Variants in SRGAP1 observed in about 807,000 individuals in gnomAD.
SRGAP1 encodes SLIT-ROBO Rho GTPase activating protein 1, also known as SLIT-ROBO Rho GTPase-activating protein 1.
A neutral mutation model predicts 121.9 loss-of-function variants in SRGAP1; 43 were observed. The observed-to-expected ratio is 0.35, with a 90% CI of 0.28 to 0.46. The LOEUF (loss-of-function observed/expected upper bound fraction) is 0.46. Ranked by LOEUF, SRGAP1 falls within the 20% of genes least tolerant of loss-of-function variation. The probability of loss-of-function intolerance (pLI) is 1.00; values close to 1 mark genes in which losing one functional copy is unlikely to be tolerated. For missense variants in SRGAP1, 1,102 were observed against 1,350.9 expected (o/e 0.82, Z 2.89); for synonymous variants, 447 against 485.4 (o/e 0.92, Z 1.04).
chr12:63,894,248 A>G (rs1900678292), intron 1 of SRGAP1, among the ~76,000 whole-genome samples: 1 of 151,662 alleles, frequency 6.6e-6, no homozygotes, highest in Non-Finnish European at 1.5e-5. Flanking sequence ...TTTTAATGAC[A>G]TTTGCTTTCA....
rs372599348 is a variant in SRGAP1, at chr12:64,109,050, A to G, written c.1919+13A>G. 54 of 1,484,228 alleles carry G rather than the reference A, an allele frequency of 3.6e-5. No homozygotes were observed. The African/African-American group carries it at 6.8e-4, about 19-fold the overall frequency. The allele number at this position is 1,484,228 out of a possible 1,614,324, so 91.9% of individuals were successfully genotyped here. A position where few individuals can be genotyped will look rare whatever the true frequency, so the allele number is the denominator to read the frequency against. On this transcript the variant is annotated intron_variant, in intron 16 of 21. Coordinates refer to ENST00000355086, the MANE Select transcript of SRGAP1 (RefSeq NM_020762.4). ...CCTTCCTCAATCAGTAAGTACCTGA[A>G]TGCTCTGACAAAAGGCCCATCTGAA... is the stretch of plus-strand genomic sequence containing the variant.
At chr12:63,928,290 A>G (rs2031337172) in intron 1 of SRGAP1, among the ~76,000 whole-genome samples, 1 of 152,156 alleles carries the variant, frequency 6.6e-6, no homozygotes, top group African/African-American at 2.4e-5. Context: ...TTAAATATAT[A>G]CCTACCCTAT....
chr12:63,932,103 C>T (rs1486127892), intron 1 of SRGAP1, among the ~76,000 whole-genome samples: 1 of 152,054 alleles, frequency 6.6e-6, no homozygotes, highest in African/African-American at 2.4e-5. Flanking sequence ...CAGTGAAACC[C>T]TGTCTCTACT....
rs558248193 is a variant in SRGAP1, at chr12:64,044,674, C to CTTTTTTTTTTTTTTTTTTTTTTTTTTTT, written c.801+1124_801+1125insTTTTTTTTTTTTTTTTTTTTTTTTTTTT. On this transcript the variant is annotated intron_variant, in intron 6 of 21. Coordinates refer to ENST00000355086, the MANE Select transcript of SRGAP1 (RefSeq NM_020762.4). Reference sequence around the variant, plus strand: ...AGCTTATTAACACTCTGATGTGCCTCTTTTTTTTTTTTTTTTTTTTTTTTT... The same window carrying CTTTTTTTTTTTTTTTTTTTTTTTTTTTT: ...AGCTTATTAACACTCTGATGTGCCTCTTTTTTTTTTTTTTTTTTTTTTTTTTTTTTTTTTTTTTTTTTTTTTTTTTTTT... Among the ~76,000 whole-genome samples the CTTTTTTTTTTTTTTTTTTTTTTTTTTTT allele has an allele frequency of 5.1e-4, 37 of 72,122 alleles. 6 individuals are homozygous for CTTTTTTTTTTTTTTTTTTTTTTTTTTTT. The highest frequency in any genetic ancestry group is 7.8e-4 in the Non-Finnish European group (27 of 34,678). 47.3% of individuals were successfully genotyped at this position (72,122 alleles called of 152,430 possible).
intron 6 of SRGAP1, among the ~76,000 whole-genome samples, chr12:64,057,819 T>C (rs962127803): frequency 3.5e-4 from 53 of 152,236 alleles, no homozygotes; most frequent in Middle Eastern, 3.4e-3. Context: ...AAGAGAGTAA[T>C]TCCTTTCCAT....
At chr12:63,860,621 T>C (rs1899411781) in intron 1 of SRGAP1, among the ~76,000 whole-genome samples, 1 of 152,246 alleles carries the variant, frequency 6.6e-6, no homozygotes, top group South Asian at 2.1e-4. Flanking sequence ...CTCTGCATTA[T>C]TTTCAATTAG....
chr12:64,004,934 A>G (rs764387028), intron 3 of SRGAP1, among the ~76,000 whole-genome samples: 4 of 152,212 alleles, frequency 2.6e-5, no homozygotes, highest in Non-Finnish European at 5.9e-5. Flanking sequence ...AGCTGTAAGA[A>G]ATGCCATATT....
intron 1 of SRGAP1, among the ~76,000 whole-genome samples, chr12:63,895,229 G>A (rs916983740): frequency 6.6e-6 from 1 of 152,144 alleles, no homozygotes; most frequent in Non-Finnish European, 1.5e-5. Context: ...GAAGACTAGA[G>A]CCTTCTTTGG....
intron 4 of SRGAP1, among the ~76,000 whole-genome samples, chr12:64,039,221 C>T (rs1409477584): frequency 6.6e-6 from 1 of 152,180 alleles, no homozygotes; most frequent in Non-Finnish European, 1.5e-5. Context: ...GAAAACTCAA[C>T]AAAGAAATTT....
At chr12:64,129,978 T>G (rs56217817) in intron 21 of SRGAP1, among the ~76,000 whole-genome samples, 33,910 of 150,572 alleles carry the variant, frequency 0.23, 3,909 homozygotes, top group Middle Eastern at 0.26. Flanking sequence ...AGGTCGTGGT[T>G]GTTGTTGTTG....
At chr12:63,930,400 G>A (rs1319304974) in intron 1 of SRGAP1, among the ~76,000 whole-genome samples, 1 of 147,476 alleles carries the variant, frequency 6.8e-6, no homozygotes, top group Non-Finnish European at 1.5e-5. Context: ...TTATCAGAAA[G>A]CAATATTAAG....
At chr12:64,051,937 TATG>T (rs2035245805) in intron 6 of SRGAP1, among the ~76,000 whole-genome samples, 1 of 152,190 alleles carries the variant, frequency 6.6e-6, no homozygotes, top group African/African-American at 2.4e-5. Context: ...GAATGAACAT[TATG>T]ATGAGTTCCA....
At chr12:64,001,331 T>C (rs900758156) in intron 3 of SRGAP1, among the ~76,000 whole-genome samples, 21 of 152,182 alleles carry the variant, frequency 1.4e-4, no homozygotes, top group Non-Finnish European at 2.4e-4. Flanking sequence ...GAATACACAC[T>C]TAGTTTGGGT....
At chr12:64,031,232 C>G (rs531355261) in intron 4 of SRGAP1, among the ~76,000 whole-genome samples, 23 of 149,776 alleles carry the variant, frequency 1.5e-4, no homozygotes, top group Non-Finnish European at 3.1e-4. Context: ...TCAGGAGAAT[C>G]ACTTGAGCCT....
intron 17 of SRGAP1, among the ~76,000 whole-genome samples, chr12:64,113,081 G>A (rs963929473): frequency 5.3e-5 from 8 of 151,248 alleles, no homozygotes; most frequent in African/African-American, 1.9e-4. Flanking sequence ...ATTCCAGCCT[G>A]AGCAACAAAA....
At chr12:63,871,981 T>TA (rs1899869657) in intron 1 of SRGAP1, 6 of 990,096 alleles carry the variant, frequency 6.1e-6, no homozygotes, top group African/African-American at 1.6e-5. Flanking sequence ...TTGCCCTTCT[T>TA]ATACTGTGTC....
intron 21 of SRGAP1, among the ~76,000 whole-genome samples, chr12:64,133,456 C>T (rs1223997194): frequency 1.3e-5 from 2 of 152,200 alleles, no homozygotes; most frequent in Non-Finnish European, 2.9e-5. Flanking sequence ...CAAGCCACTA[C>T]TTTAACTGGA....
chr12:64,148,653 A>C lies in SRGAP1; in HGVS notation c.*5981A>C, dbSNP rs2037086676. On this transcript the variant is annotated 3_prime_UTR_variant, in exon 22 of 22. Coordinates refer to ENST00000355086, the MANE Select transcript of SRGAP1 (RefSeq NM_020762.4). ...AGCAATATGTAGTAGATAGCTTTGT[A>C]AAACAATGTAAGTTGTGCAAGATTG... is the stretch of plus-strand genomic sequence containing the variant. 1.3e-5 allele frequency: 2 copies of C among 152,244 alleles called. No individual in the cohort carries two copies. Among genetic ancestry groups the C allele is most frequent in the South Asian group, 4.1e-4 (2 of 4,836 alleles). 9.4% of individuals were successfully genotyped at this position (152,244 alleles called of 1,614,324 possible). A position where few individuals can be genotyped will look rare whatever the true frequency, so the allele number is the denominator to read the frequency against.
At chr12:64,095,247 T>C in intron 14 of SRGAP1, 43 bp downstream of exon 14, 1 of 1,569,312 alleles carries the variant, frequency 6.4e-7, no homozygotes, top group African/African-American at 1.4e-5. Context: ...CGTTGAAAAG[T>C]CATCATGTTC....
Sources: allele counts gnomAD v4.1 joint callset (sites outside exome capture counted in the v4.1 genomes callset), GRCh38; gene constraint gnomAD v4.1.1; transcripts MANE v1.5; gene names NCBI Gene and HGNC (gene_info 2026-07-23, HGNC 2026-07-21).